BAZ2A: variants seen among roughly 807,000 people sequenced by gnomAD.
BAZ2A encodes the protein bromodomain adjacent to zinc finger domain protein 2A.
BAZ2A carries 34 observed loss-of-function variants against 199.9 expected under a neutral mutation model. The observed-to-expected ratio is 0.17, with a 90% confidence interval of 0.13 to 0.23. BAZ2A has a LOEUF of 0.23. Ranked by LOEUF, BAZ2A falls within the 10% of genes least tolerant of loss-of-function variation. BAZ2A has a pLI of 1.00. For missense variants in BAZ2A, 2,002 were observed against 2,391.1 expected (o/e 0.84, Z 3.39); for synonymous variants, 857 against 883.9 (o/e 0.97, Z 0.54).
chr12:56,605,189 C>G lies in BAZ2A; in HGVS notation c.2632G>C (p.Gly878Arg), dbSNP rs774827277. ...CACAGGAGTCCCTCCTGCAGGACCC[C>G]CAGGCTAGGCACATCTTTGGCAGGA... ...FDPAKDVPSL[G>R]VLQEGLLCQG... Residue 878 changes from glycine (G) to arginine (R), a missense_variant, in exon 14 of 29, where the codon GGG becomes CGG. Physicochemically the swap from Gly to Arg is moderately radical, Grantham distance 125. Coordinates refer to ENST00000549884, the MANE Select transcript of BAZ2A (RefSeq NM_001300905.2). The G allele has an allele frequency of 6.2e-7, 1 of 1,613,722 alleles. No individual in the cohort carries two copies. The highest frequency in any genetic ancestry group is 8.5e-7 in the Non-Finnish European group (1 of 1,179,860).
intron 1 of BAZ2A, among the ~76,000 whole-genome samples, chr12:56,622,037 T>C (rs1388268228): frequency 6.6e-6 from 1 of 150,824 alleles, no homozygotes; most frequent in Admixed American, 6.6e-5. Flanking sequence ...TGTGTAGTTT[T>C]CAAAAAGATA....
At chr12:56,607,277 A>G (rs1950392119) in intron 10 of BAZ2A, among the ~76,000 whole-genome samples, 2 of 152,244 alleles carry the variant, frequency 1.3e-5, no homozygotes, top group South Asian at 2.1e-4. Context: ...TGCTTCACTA[A>G]AAGTTCTGAA....
rs1950250689 is a variant in BAZ2A at position 56,603,647 on chromosome 12, C to G, written c.3092G>C (p.Gly1031Ala). The change falls in exon 17 of 29, where the codon GGG becomes GCG. Residue 1031 changes from glycine to alanine, a missense_variant. Around this residue, in one of 6 missense-constraint regions of BAZ2A, gnomAD observed 1,081 missense variants for 1,274.7 expected, o/e 0.85. Coordinates refer to ENST00000549884, the MANE Select transcript of BAZ2A (RefSeq NM_001300905.2). ...RTGRSEVEMEGPEECLGRRRS... is the reference protein window; with the variant it reads ...RTGRSEVEMEAPEECLGRRRS... ...CCTCCGTCCCAGGCATTCCTCTGGC[C>G]CTTCCATCTCTACTTCAGACCGCCC... The G allele has an allele frequency of 6.2e-7, 1 of 1,614,000 alleles. No homozygotes were observed. Among genetic ancestry groups the G allele is most frequent in the Non-Finnish European group, 8.5e-7 (1 of 1,179,898 alleles).
In BAZ2A at chr12:56,635,848, G is replaced by A. The variant is rs1351483570; in HGVS notation, c.4+334C>T. Among the ~76,000 whole-genome samples, 1 of 152,148 alleles carries A rather than the reference G, an allele frequency of 6.6e-6. No individual in the cohort carries two copies. The highest frequency in any genetic ancestry group is 2.4e-5 in the African/African-American group (1 of 41,418). On this transcript the variant is annotated intron_variant, in intron 1 of 29. Coordinates refer to the BAZ2A transcript ENST00000379441. This position sits in a 1 kb window ranked among gnomAD's most constrained non-coding sequence, Gnocchi z 4.1. ...AAAAGCCGGCTTTACTTTTGTGGGGGCTAGCAGTGAGTACTGTCAAAATTT... is the reference window on the plus strand; with the variant it reads ...AAAAGCCGGCTTTACTTTTGTGGGGACTAGCAGTGAGTACTGTCAAAATTT...
intron 7 of BAZ2A, among the ~76,000 whole-genome samples, chr12:56,611,092 A>G (rs1950544578): frequency 6.6e-6 from 1 of 152,184 alleles, no homozygotes; most frequent in South Asian, 2.1e-4. Flanking sequence ...GGGGTGGGGA[A>G]GATCCAGGAA....
At chr12:56,626,324 G>T (rs1301819826) in intron 1 of BAZ2A, among the ~76,000 whole-genome samples, 1 of 152,176 alleles carries the variant, frequency 6.6e-6, no homozygotes, top group Non-Finnish European at 1.5e-5. Flanking sequence ...CTTACACAAG[G>T]TCAAACATCA....
rs754301673 is a variant in BAZ2A at position 56,609,705 on chromosome 12, C to T, written c.2092+31G>A. 1.3e-5 allele frequency: 20 copies of T among 1,596,708 alleles called. 1 individual carries two copies. The South Asian group carries it at 2.1e-4, about 17-fold the overall frequency. Reference sequence around the variant, plus strand: ...CATTTTAGATACCTCATGGAGGGAGCAGAATCCCAAAGTAAGAAATACCAC... The same window carrying T: ...CATTTTAGATACCTCATGGAGGGAGTAGAATCCCAAAGTAAGAAATACCAC... On this transcript the variant is annotated intron_variant, in intron 10 of 28. Transcript: ENST00000549884.
rs1043973746 is a variant in BAZ2A, at chr12:56,610,344, T to G, written c.1779+65A>C. 4 of 1,584,924 alleles carry G rather than the reference T, an allele frequency of 2.5e-6. No homozygotes were observed. In the Admixed American group the frequency reaches 6.8e-5, roughly 27 times the overall value. On this transcript the variant is annotated intron_variant, in intron 8 of 28. Coordinates refer to ENST00000549884, the MANE Select transcript of BAZ2A (RefSeq NM_001300905.2). The stretch of plus-strand genomic sequence containing the variant: ...GTTGTCACTGAGCCCAAGAACGGAG[T>G]CTTGGGCAGTGGAAAGGAGTCCACT...
upstream of BAZ2A, chr12:56,636,371 T>A: frequency 7.2e-7 from 1 of 1,383,240 alleles, no homozygotes; most frequent in Non-Finnish European, 9.4e-7. Context: ...TGTCCCTGTG[T>A]GACAGACTGG....
chr12:56,637,341 C>T (rs1285291791), upstream of BAZ2A, among the ~76,000 whole-genome samples: 1 of 152,218 alleles, frequency 6.6e-6, no homozygotes, highest in Non-Finnish European at 1.5e-5. Context: ...GGGAAAATAA[C>T]CTAACTTCAT....
chr12:56,611,716 T>C, intron 6 of BAZ2A, 57 bp downstream of exon 6: 1 of 1,526,434 alleles, frequency 6.6e-7, no homozygotes, highest in Non-Finnish European at 8.8e-7. Flanking sequence ...AACTACAACA[T>C]GGGACAGAAA....
chr12:56,612,468 G>T (rs1360906458), intron 5 of BAZ2A, among the ~76,000 whole-genome samples: 3 of 152,172 alleles, frequency 2.0e-5, no homozygotes, highest in Admixed American at 2.0e-4. Flanking sequence ...TTTACCTGGT[G>T]CCAATAAAGC....
upstream of BAZ2A, among the ~76,000 whole-genome samples, chr12:56,631,761 C>T (rs373304780): frequency 1.3e-5 from 2 of 152,238 alleles, no homozygotes. Flanking sequence ...TCAACAAATA[C>T]GTTTTCCTCT....
chr12:56,617,673 GAAT>G, intron 1 of BAZ2A, 141 bp from the exon 2 acceptor site: 1 of 938,544 alleles, frequency 1.1e-6, no homozygotes, highest in East Asian at 3.0e-5. Flanking sequence ...GGAAGGTACA[GAAT>G]AAGAAAAGAG....
chr12:56,634,306 T>A (rs1340290586), upstream of BAZ2A, among the ~76,000 whole-genome samples: 1 of 152,130 alleles, frequency 6.6e-6, no homozygotes, highest in Non-Finnish European at 1.5e-5. Context: ...GGCAGCGCCC[T>A]GGCCCCCAGC....
At chr12:56,608,844 C>T (rs1212837368) in intron 10 of BAZ2A, among the ~76,000 whole-genome samples, 4 of 147,176 alleles carry the variant, frequency 2.7e-5, no homozygotes, top group East Asian at 2.0e-4. Flanking sequence ...GGTGGGATTA[C>T]AGGCGTGAGC....
In BAZ2A at chr12:56,598,643, T is replaced by C; in HGVS notation, c.5687A>G (p.Tyr1896Cys). The C allele has an allele frequency of 6.2e-7, 1 of 1,613,864 alleles. No homozygotes were observed. The highest frequency in any genetic ancestry group is 8.5e-7 in the Non-Finnish European group (1 of 1,179,872). The change falls in exon 29 of 29, where the codon TAT (tyrosine) becomes TGT (cysteine). Residue 1896 changes from tyrosine (Y) to cysteine (C), a missense_variant. This residue lies in a region of BAZ2A where 76 missense variants were observed against 139.3 expected (regional missense o/e 0.55). Coordinates refer to ENST00000549884, the MANE Select transcript of BAZ2A (RefSeq NM_001300905.2). ...RFFESRWEEF[Y>C]QGKQANL is the part of the protein sequence containing the mutation. ...TCACAGATTGGCCTGTTTTCCCTGA[T>C]AAAACTCCTCCCAGCGGCTCTCGAA...
upstream of BAZ2A, among the ~76,000 whole-genome samples, chr12:56,631,296 C>A (rs866000538): frequency 2.6e-5 from 4 of 151,864 alleles, no homozygotes; most frequent in Middle Eastern, 6.8e-3. Flanking sequence ...ACTAAAAATA[C>A]AAAAATTAGC....
At chr12:56,629,809 A>G (rs1040860492) in intron 1 of BAZ2A, among the ~76,000 whole-genome samples, 5 of 148,162 alleles carry the variant, frequency 3.4e-5, no homozygotes, top group Admixed American at 1.3e-4. Flanking sequence ...TTCCACCCCA[A>G]GTCCCCCACA....
Sources: gnomAD v4.1 joint callset for allele counts (sites outside exome capture counted in the v4.1 genomes callset) on GRCh38, gnomAD v4.1.1 for gene constraint, gnomAD v4.1.1 regional missense constraint, Gnocchi (gnomAD v3.1) non-coding constraint, MANE v1.5 for transcripts, NCBI Gene and HGNC (gene_info 2026-07-23, HGNC 2026-07-21) for gene names.